Variants in SYTL5 observed in about 807,000 individuals in gnomAD.
SYTL5 encodes the protein synaptotagmin like 5.
SYTL5 carries 34 observed loss-of-function variants against 55.9 expected under a neutral mutation model. That is an observed-to-expected ratio of 0.61 (90% CI 0.46 to 0.81). The LOEUF is 0.81. SYTL5 is among the 30% of genes least tolerant of loss of function. SYTL5 has a pLI of 0.00. For missense variants in SYTL5, 637 were observed against 546.7 expected (o/e 1.17, Z -1.65); for synonymous variants, 221 against 188.7 (o/e 1.17, Z -1.40).
At chrX:38,054,658 A>AT (rs1419797150) in intron 3 of SYTL5, among the ~76,000 whole-genome samples, 2 of 107,916 alleles carry the variant, frequency 1.9e-5, no homozygotes, top group Non-Finnish European at 3.9e-5. Context: ...CAGAAAGAAT[A>AT]TTTTTTTAAA....
chrX:37,946,345 A>G, the SYTL5 span: 105 of 150,499 alleles, frequency 7.0e-4, no homozygotes, highest in African/African-American at 3.1e-3. Context: ...ACTTGGCACT[A>G]TTTCTAAGCC....
At chrX:38,055,103 A>C (rs1394217942) in intron 3 of SYTL5, among the ~76,000 whole-genome samples, 1 of 111,513 alleles carries the variant, frequency 9.0e-6, no homozygotes, top group African/African-American at 3.3e-5. Context: ...GGGCATAGAT[A>C]ATTTCCCTGA....
At chrX:37,921,764 G>T in the SYTL5 span, among the ~76,000 whole-genome samples, 2 of 111,858 alleles carry the variant, frequency 1.8e-5, no homozygotes, top group Non-Finnish European at 3.8e-5. Flanking sequence ...ACAAAGCACA[G>T]TGTAAAGCTC....
chrX:38,050,482 C>T (rs909722282), intron 2 of SYTL5, among the ~76,000 whole-genome samples: 2 of 111,459 alleles, frequency 1.8e-5, no homozygotes, highest in African/African-American at 6.5e-5. Context: ...ATTTCAACTA[C>T]ATATAGGTCA....
chrX:37,965,122 A>T, the SYTL5 span, among the ~76,000 whole-genome samples: 1 of 110,457 alleles, frequency 9.1e-6, no homozygotes, highest in African/African-American at 3.3e-5. Flanking sequence ...GTCTCAGTTT[A>T]TTCTTTTCTA....
chrX:37,902,493 A>G, the SYTL5 span, among the ~76,000 whole-genome samples: 1 of 112,317 alleles, frequency 8.9e-6, no homozygotes, highest in African/African-American at 3.2e-5. Context: ...GATCTGCCTT[A>G]ACTCTTATGC....
chrX:37,928,597 C>G, the SYTL5 span, among the ~76,000 whole-genome samples: 1 of 111,370 alleles, frequency 9.0e-6, no homozygotes, highest in Non-Finnish European at 1.9e-5. Context: ...GGGTTCTAGC[C>G]CCACTTCTCT....
chrX:37,991,615 G>T, the SYTL5 span, among the ~76,000 whole-genome samples: 1 of 111,155 alleles, frequency 9.0e-6, no homozygotes, highest in Non-Finnish European at 1.9e-5. Context: ...CCTGATGCTG[G>T]GGCCTGAGGT....
At chrX:38,057,521 T>C (rs777254667) in intron 3 of SYTL5, among the ~76,000 whole-genome samples, 56 of 111,796 alleles carry the variant, frequency 5.0e-4, no homozygotes, top group Non-Finnish European at 9.6e-4. Flanking sequence ...ATTTTAAGAT[T>C]GTTTTTTGCA....
chrX:38,094,215 C>G lies in SYTL5; in HGVS notation c.832-80C>G. ...AATAATACATATAAAGGTGTTTATACTGAAGTATATTTATGTAGATGAATT... is the reference window on the plus strand; with the variant it reads ...AATAATACATATAAAGGTGTTTATAGTGAAGTATATTTATGTAGATGAATT... On this transcript the variant is annotated intron_variant, in intron 7 of 16. Transcript: ENST00000297875. 2 of 913,947 alleles carry G rather than the reference C, an allele frequency of 2.2e-6. 1 individual carries two copies. The highest frequency in any genetic ancestry group is 5.7e-5 in the South Asian group (2 of 35,243). The allele number at this position is 913,947 out of a possible 1,213,427, so 75.3% of individuals were successfully genotyped here. A position where few individuals can be genotyped will look rare whatever the true frequency, so the allele number is the denominator to read the frequency against.
chrX:37,952,559 C>A, the SYTL5 span, among the ~76,000 whole-genome samples: 4 of 110,933 alleles, frequency 3.6e-5, no homozygotes, highest in Non-Finnish European at 7.6e-5. Flanking sequence ...ATGTCATTAG[C>A]AAAGGTAACT....
the SYTL5 span, among the ~76,000 whole-genome samples, chrX:37,901,198 T>A: frequency 8.9e-6 from 1 of 112,098 alleles, no homozygotes; most frequent in Admixed American, 9.4e-5. Context: ...ATCCCATAGA[T>A]CCAAGTTCAC....
intron 6 of SYTL5, among the ~76,000 whole-genome samples, chrX:38,086,200 GC>G (rs1465213667): frequency 1.1e-4 from 12 of 111,390 alleles, no homozygotes; most frequent in Non-Finnish European, 2.1e-4. Context: ...CATGAGAAGG[GC>G]CAGGGGCTCA....
At chrX:37,894,109 G>C in the SYTL5 span, among the ~76,000 whole-genome samples, 7 of 111,354 alleles carry the variant, frequency 6.3e-5, no homozygotes, top group African/African-American at 1.3e-4. Flanking sequence ...CATCACCCAT[G>C]CTTTTGCATG....
At chrX:37,973,716 C>A in the SYTL5 span, among the ~76,000 whole-genome samples, 1 of 110,286 alleles carries the variant, frequency 9.1e-6, no homozygotes, top group Non-Finnish European at 1.9e-5. Flanking sequence ...CTCACTGCAA[C>A]CTCTGCCTCC....
At chrX:38,036,119 A>G (rs144327450) in intron 2 of SYTL5, among the ~76,000 whole-genome samples, 11,073 of 109,255 alleles carry the variant, frequency 0.1, 977 homozygotes, top group African/African-American at 0.24. Flanking sequence ...CAGCCTGGCC[A>G]ACATGGCGAA....
the SYTL5 span, among the ~76,000 whole-genome samples, chrX:37,968,979 G>C: frequency 4.5e-5 from 5 of 111,913 alleles, no homozygotes; most frequent in Non-Finnish European, 9.4e-5. Context: ...GTTTTAAATA[G>C]TTAATTGGTT....
the SYTL5 span, among the ~76,000 whole-genome samples, chrX:37,978,869 A>G: frequency 1.8e-5 from 2 of 111,357 alleles, no homozygotes; most frequent in Non-Finnish European, 3.8e-5. Flanking sequence ...GTGAGGTGAA[A>G]ATGGAGGTTC....
At chrX:37,910,684 G>T in the SYTL5 span, among the ~76,000 whole-genome samples, 44 of 112,161 alleles carry the variant, frequency 3.9e-4, no homozygotes, top group Non-Finnish European at 1.9e-4. Context: ...CTAGATGAGT[G>T]GTTCTCAAAC....
Sources: gnomAD v4.1 joint callset for allele counts (sites outside exome capture counted in the v4.1 genomes callset) on GRCh38, gnomAD v4.1.1 for gene constraint, MANE v1.5 for transcripts, NCBI Gene and HGNC (gene_info 2026-07-23, HGNC 2026-07-21) for gene names.